The following ATP2A2 variants were observed in gnomAD, a reference collection of about 807,000 sequenced individuals.
ATP2A2 encodes ATPase sarcoplasmic/endoplasmic reticulum Ca2+ transporting 2, also known as sarcoplasmic/endoplasmic reticulum calcium ATPase 2.
ATP2A2 carries 14 observed loss-of-function variants against 109.3 expected under a neutral mutation model. The observed-to-expected ratio is 0.13, with a 90% CI of 0.08 to 0.20. The LOEUF is 0.20. ATP2A2 is among the 10% of genes least tolerant of loss of function. The pLI is 1.00. For missense variants in ATP2A2, 657 were observed against 1,321.6 expected, an observed-to-expected ratio of 0.50 and a Z score of 7.80; for synonymous variants, 506 against 490.9, an observed-to-expected ratio of 1.03 and a Z score of -0.41.
At chr12:110,338,875 A>C (rs1464025908) in intron 11 of ATP2A2, among the ~76,000 whole-genome samples, 1 of 152,122 alleles carries the variant, frequency 6.6e-6, no homozygotes, top group Non-Finnish European at 1.5e-5. Context: ...TATTCCAGCC[A>C]CGTTGGCACT....
intron 16 of ATP2A2, among the ~76,000 whole-genome samples, chr12:110,344,665 A>G (rs1458558385): frequency 6.6e-6 from 1 of 152,242 alleles, no homozygotes; most frequent in East Asian, 1.9e-4. Flanking sequence ...AGGAAAAGTT[A>G]TCCAGTTCTT....
intron 11 of ATP2A2, among the ~76,000 whole-genome samples, chr12:110,336,146 C>T (rs1298099924): frequency 6.6e-6 from 1 of 152,196 alleles, no homozygotes; most frequent in Non-Finnish European, 1.5e-5. Context: ...TCAGACCTAC[C>T]TGTCTGTCAT....
intron 5 of ATP2A2, among the ~76,000 whole-genome samples, chr12:110,319,969 A>G (rs1307357328): frequency 1.3e-5 from 2 of 152,186 alleles, no homozygotes; most frequent in Non-Finnish European, 2.9e-5. Flanking sequence ...GTTCAACAGT[A>G]AGAATATAAA....
rs116428239 is a variant in ATP2A2 at position 110,306,950 on chromosome 12, G to A, written c.463+10213G>A. On this transcript the variant is annotated intron_variant, in intron 5 of 19. Transcript: ENST00000539276. ...ATTTTTGTATTTTTCGTACAGATAA[G>A]GTCTCACCATGTTGCCCAGGCTGGT... Among the ~76,000 whole-genome samples the A allele has an allele frequency of 8.3e-3, 1,265 of 152,030 alleles. 22 individuals carry two copies. The highest frequency in any genetic ancestry group is 0.029 in the African/African-American group (1,201 of 41,472).
chr12:110,341,595 C>T (rs139995089), intron 14 of ATP2A2, among the ~76,000 whole-genome samples: 119 of 152,146 alleles, frequency 7.8e-4, no homozygotes, highest in Non-Finnish European at 1.4e-3. Context: ...ATTTTTTGGC[C>T]GAGTGCAGTG....
chr12:110,332,518 A>G (rs1311873640), intron 8 of ATP2A2, 79 bp from the exon 9 acceptor site: 1 of 1,223,092 alleles, frequency 8.2e-7, no homozygotes, highest in South Asian at 1.2e-5. Flanking sequence ...CCTTTGTCCT[A>G]AGCTAACAAA....
chr12:110,309,824 T>A (rs564669665), intron 5 of ATP2A2, among the ~76,000 whole-genome samples: 1 of 151,904 alleles, frequency 6.6e-6, no homozygotes, highest in South Asian at 2.1e-4. Context: ...GAGGATCACC[T>A]GAGCCCAGGA....
At chr12:110,314,052 G>T (rs531188209) in intron 5 of ATP2A2, among the ~76,000 whole-genome samples, 72 of 151,766 alleles carry the variant, frequency 4.7e-4, no homozygotes, top group African/African-American at 1.7e-3. Flanking sequence ...CTTGGTGGCC[G>T]GGTACACTGG....
At chr12:110,326,013 A>G (rs1877762238) in intron 6 of ATP2A2, 3 of 281,406 alleles carry the variant, frequency 1.1e-5, no homozygotes, top group African/African-American at 6.5e-5. Context: ...ATCAGTATAT[A>G]TGTTAAAGTA....
In ATP2A2 at chr12:110,296,798, C is replaced by G. The variant is rs1874007906; in HGVS notation, c.463+61C>G. ...TAGTATTTCTGAATGTAGTCCTTTT[C>G]TCAAGGCTCATAATTATATTTAAAA... On this transcript the variant is annotated intron_variant, in intron 5 of 19. Transcript: ENST00000539276. The G allele has an allele frequency of 3.2e-6, 5 of 1,548,198 alleles. No individual in the cohort carries two copies. The South Asian group carries it at 4.5e-5, about 14-fold the overall frequency.
rs569152689 is a variant in ATP2A2, at chr12:110,341,126, A to T, written c.2097+132A>T. On this transcript the variant is annotated intron_variant, in intron 14 of 19. Transcript: ENST00000539276. The stretch of plus-strand genomic sequence containing the variant: ...GTCATGATTTGGGTCTTTTCTCTAG[A>T]ATTCGGTGAATCAGTGGTTAGCATG... 2.7e-3 allele frequency: 2,651 copies of T among 996,698 alleles called. 8 individuals carry two copies. The highest frequency in any genetic ancestry group is 3.7e-3 in the Non-Finnish European group (2,431 of 663,286). 61.7% of individuals were successfully genotyped at this position (996,698 alleles called of 1,614,324 possible).
rs1472553632 is a variant in ATP2A2 at position 110,301,667 on chromosome 12, G to T, written c.463+4930G>T. ...CATTCTCCACACAAGTGCCAGAGTG[G>T]TTTCTTAAAGGTTGTGTTATTTATT... is the stretch of plus-strand genomic sequence containing the variant. On this transcript the variant is annotated intron_variant, in intron 5 of 19. Transcript: ENST00000539276. Among the ~76,000 whole-genome samples the T allele has an allele frequency of 3.3e-5, 5 of 152,298 alleles. No individual in the cohort carries two copies. In the South Asian group the frequency reaches 1.0e-3, roughly 32 times the overall value.
At chr12:110,284,557 G>C (rs991188465) in intron 3 of ATP2A2, among the ~76,000 whole-genome samples, 8 of 152,262 alleles carry the variant, frequency 5.3e-5, no homozygotes, top group African/African-American at 1.9e-4. Flanking sequence ...TTAATGATGT[G>C]TGTGGGTTTT....
chr12:110,318,222 A>G (rs934182034), intron 5 of ATP2A2, among the ~76,000 whole-genome samples: 129 of 152,276 alleles, frequency 8.5e-4, no homozygotes, highest in Middle Eastern at 6.8e-3. Flanking sequence ...TATTCGGTGG[A>G]CCTTTACTTT....
intron 8 of ATP2A2, chr12:110,330,384 T>C (rs1456711116): frequency 6.6e-6 from 1 of 152,218 alleles, no homozygotes; most frequent in East Asian, 1.9e-4. Context: ...TTCTCCAGGA[T>C]ATTAAGGTGT....
intron 3 of ATP2A2, among the ~76,000 whole-genome samples, chr12:110,287,739 C>T (rs908687171): frequency 2.0e-5 from 3 of 151,986 alleles, no homozygotes; most frequent in South Asian, 2.1e-4. Flanking sequence ...CTCAGCCTCC[C>T]GAGTAGCTGG....
Position 110,334,084 on chromosome 12 carries a change from G to A in ATP2A2, c.1360G>A (p.Val454Ile), listed in dbSNP as rs778643841. The part of the protein sequence containing the change: ...ALTCLVEKMN[V>I]FDTELKGLSK... The stretch of plus-strand genomic sequence containing the variant: ...CACTTGCCTAGTAGAGAAGATGAAT[G>A]TATTTGATACCGAATTGAAGGGTCT... Residue 454 changes from valine (V) to isoleucine (I), a missense_variant, in exon 11 of 20, where the codon GTA (valine) becomes ATA (isoleucine). Coordinates refer to ENST00000539276, the MANE Select transcript of ATP2A2 (RefSeq NM_170665.4). The A allele has an allele frequency of 6.2e-7, 1 of 1,614,058 alleles. No individual in the cohort carries two copies. Among genetic ancestry groups the A allele is most frequent in the Non-Finnish European group, 8.5e-7 (1 of 1,180,050 alleles).
At chr12:110,311,272 A>G (rs1379311073) in intron 5 of ATP2A2, among the ~76,000 whole-genome samples, 2 of 152,164 alleles carry the variant, frequency 1.3e-5, no homozygotes, top group Admixed American at 6.6e-5. Flanking sequence ...ATGAGGTCTC[A>G]CTGTGTCACT....
chr12:110,293,367 C>CTTTTTT (rs1178977431), intron 4 of ATP2A2, among the ~76,000 whole-genome samples: 9 of 79,922 alleles, frequency 1.1e-4, no homozygotes, highest in Non-Finnish European at 1.4e-4. Context: ...CACTCCCGGC[C>CTTTTTT]TTTTTTTTTT....
Sources: allele counts gnomAD v4.1 joint callset (sites outside exome capture counted in the v4.1 genomes callset), GRCh38; gene constraint gnomAD v4.1.1; transcripts MANE v1.5; gene names NCBI Gene and HGNC (gene_info 2026-07-23, HGNC 2026-07-21).